Variants in PPP1R9A observed in about 807,000 individuals in gnomAD.
PPP1R9A encodes protein phosphatase 1 regulatory subunit 9A.
In PPP1R9A, 59 loss-of-function variants were observed where a neutral mutation model predicts 141.9. The observed-to-expected ratio is 0.42, with a 90% CI of 0.34 to 0.52. The LOEUF (loss-of-function observed/expected upper bound fraction) is 0.52. Among genes scored for constraint, PPP1R9A ranks in the 20% least tolerant of loss-of-function variants. The pLI, the probability that PPP1R9A is intolerant of heterozygous loss-of-function variation, is 0.10. For missense variants in PPP1R9A, 1,444 were observed against 1,611.9 expected, an observed-to-expected ratio of 0.90 and a Z score of 1.78; for synonymous variants, 500 against 569.7, an observed-to-expected ratio of 0.88 and a Z score of 1.74.
intron 2 of PPP1R9A, among the ~76,000 whole-genome samples, chr7:95,030,714 A>G (rs1807551500): frequency 6.6e-6 from 1 of 152,214 alleles, no homozygotes; most frequent in Admixed American, 6.5e-5. Flanking sequence ...TAAAGCTGCC[A>G]GTAATTTGAT....
At chr7:95,111,681 A>G (rs187827756) in intron 3 of PPP1R9A, among the ~76,000 whole-genome samples, 20 of 152,282 alleles carry the variant, frequency 1.3e-4, no homozygotes, top group Admixed American at 7.9e-4. Flanking sequence ...AAGGGCTGCT[A>G]CAGCTGAGAG....
intron 12 of PPP1R9A, among the ~76,000 whole-genome samples, chr7:95,261,291 T>C (rs1250718257): frequency 6.6e-6 from 1 of 152,234 alleles, no homozygotes; most frequent in East Asian, 1.9e-4. Context: ...CTGCTCTGTG[T>C]ATGGTTCTGA....
At chr7:95,172,778 TA>T (rs1176389938) in intron 5 of PPP1R9A, among the ~76,000 whole-genome samples, 1 of 151,762 alleles carries the variant, frequency 6.6e-6, no homozygotes, top group Admixed American at 6.6e-5. Flanking sequence ...ATGTTATTGT[TA>T]AAAAAAATTT....
At chr7:95,252,589 TC>T (rs1799042898) in intron 12 of PPP1R9A, among the ~76,000 whole-genome samples, 2 of 148,988 alleles carry the variant, frequency 1.3e-5, no homozygotes, top group African/African-American at 5.0e-5. Context: ...TGCCTCAGCC[TC>T]CCCAGTAGCT....
intron 7 of PPP1R9A, among the ~76,000 whole-genome samples, chr7:95,218,066 G>T (rs1793776102): frequency 6.6e-6 from 1 of 152,082 alleles, no homozygotes; most frequent in African/African-American, 2.4e-5. Context: ...TGATGTTAGG[G>T]TGTCAATTTT....
intron 2 of PPP1R9A, among the ~76,000 whole-genome samples, chr7:95,047,900 A>G (rs1036780474): frequency 6.6e-6 from 1 of 152,220 alleles, no homozygotes; most frequent in African/African-American, 2.4e-5. Context: ...AACTATAAGT[A>G]TAAAAACATG....
chr7:94,944,330 A>G, intron 2 of PPP1R9A, among the ~76,000 whole-genome samples: 1 of 151,860 alleles, frequency 6.6e-6, no homozygotes, highest in Non-Finnish European at 1.5e-5. Context: ...GACACCTCCT[A>G]TGATATTTAC....
At chr7:95,245,773 G>A (rs1798040597) in intron 8 of PPP1R9A, among the ~76,000 whole-genome samples, 1 of 152,138 alleles carries the variant, frequency 6.6e-6, no homozygotes, top group Non-Finnish European at 1.5e-5. Context: ...TTGTGCTGTG[G>A]TAAGAAACTA....
Position 95,120,727 on chromosome 7 carries a change from G to A in PPP1R9A, c.1544G>A (p.Gly515Asp). The part of the protein sequence containing the change: ...VELEKDEDGL[G>D]ISIIGMGVGA... ...TTTTTAATAGATGAGGATGGTCTTGGTATAAGTATTATTGGAATGGGTGTT... is the reference window on the plus strand; with the variant it reads ...TTTTTAATAGATGAGGATGGTCTTGATATAAGTATTATTGGAATGGGTGTT... Residue 515 changes from glycine (G) to aspartate (D), a missense_variant, in exon 4 of 20, where the codon GGT becomes GAT. Gly to Asp is a moderately conservative substitution (Grantham distance 94). Coordinates refer to ENST00000433360, the MANE Select transcript of PPP1R9A (RefSeq NM_001166160.2). 1 of 1,613,720 alleles carries A rather than the reference G, an allele frequency of 6.2e-7. No individual in the cohort carries two copies. The highest frequency in any genetic ancestry group is 8.5e-7 in the Non-Finnish European group (1 of 1,179,810).
chr7:95,070,617 A>ATATATATATG (rs1813676104), intron 2 of PPP1R9A, among the ~76,000 whole-genome samples: 1 of 139,574 alleles, frequency 7.2e-6, no homozygotes, highest in African/African-American at 2.6e-5. Flanking sequence ...ATATACACAC[A>ATATATATATG]CACACACATA....
chr7:95,274,292 T>C (rs1802760427), intron 16 of PPP1R9A, 124 bp downstream of exon 16: 1 of 896,530 alleles, frequency 1.1e-6, no homozygotes, highest in African/African-American at 1.7e-5. Context: ...AGAATTGAGA[T>C]GGAAGAAAAA....
intron 8 of PPP1R9A, among the ~76,000 whole-genome samples, chr7:95,231,291 A>G (rs542100741): frequency 1.1e-4 from 17 of 152,298 alleles, no homozygotes; most frequent in African/African-American, 4.1e-4. Flanking sequence ...CAACACAATA[A>G]TAGTGGGGGA....
At chr7:95,076,402 G>A (rs1318007225) in intron 2 of PPP1R9A, among the ~76,000 whole-genome samples, 1 of 150,998 alleles carries the variant, frequency 6.6e-6, no homozygotes, top group Non-Finnish European at 1.5e-5. Context: ...ACCATTTATT[G>A]TATAATCCAC....
intron 2 of PPP1R9A, among the ~76,000 whole-genome samples, chr7:95,094,096 A>G (rs748064014): frequency 2.0e-5 from 3 of 152,228 alleles, no homozygotes; most frequent in Non-Finnish European, 4.4e-5. Flanking sequence ...AGAGACCAAC[A>G]AATATGAAAG....
intron 7 of PPP1R9A, among the ~76,000 whole-genome samples, chr7:95,218,213 A>G (rs1032939808): frequency 6.6e-6 from 1 of 152,118 alleles, no homozygotes; most frequent in East Asian, 1.9e-4. Flanking sequence ...TTCTGCCTTC[A>G]CTTCCTTACG....
chr7:94,926,321 A>G (rs941090134), intron 2 of PPP1R9A, among the ~76,000 whole-genome samples: 10 of 152,194 alleles, frequency 6.6e-5, no homozygotes, highest in Admixed American at 6.5e-5. Flanking sequence ...ATGACAGTTC[A>G]TAAGTAACCA....
intron 2 of PPP1R9A, among the ~76,000 whole-genome samples, chr7:95,072,761 A>AAT (rs1266218495): frequency 3.8e-5 from 4 of 105,454 alleles, no homozygotes; most frequent in African/African-American, 7.8e-5. Flanking sequence ...TATTATATTA[A>AAT]ATATATATAT....
chr7:94,971,335 T>G (rs1798839260), intron 2 of PPP1R9A, among the ~76,000 whole-genome samples: 1 of 152,228 alleles, frequency 6.6e-6, no homozygotes, highest in South Asian at 2.1e-4. Context: ...CAAAAGCTAC[T>G]TGGTAATCAT....
At chr7:95,006,394 T>C (rs945686652) in intron 2 of PPP1R9A, among the ~76,000 whole-genome samples, 1 of 151,974 alleles carries the variant, frequency 6.6e-6, no homozygotes, top group Non-Finnish European at 1.5e-5. Flanking sequence ...ATTTTTGTTA[T>C]TTTTAGTAGA....
Sources: gnomAD v4.1 joint callset for allele counts (sites outside exome capture counted in the v4.1 genomes callset) on GRCh38, gnomAD v4.1.1 for gene constraint, MANE v1.5 for transcripts, NCBI Gene and HGNC (gene_info 2026-07-23, HGNC 2026-07-21) for gene names.